Variants in GLIS3 observed in about 807,000 individuals in gnomAD.
The protein encoded by GLIS3 is zinc finger protein GLIS3.
In GLIS3, 53 loss-of-function variants were observed where a neutral mutation model predicts 78.6. The ratio of observed to expected loss-of-function variants is 0.67; its 90% confidence interval spans 0.54 to 0.85. GLIS3 has a LOEUF of 0.85. Among genes scored for constraint, GLIS3 ranks in the 40% least tolerant of loss-of-function variants. GLIS3 has a pLI of 0.00. For missense variants in GLIS3, 1,703 were observed against 1,231.1 expected (o/e 1.38, Z -5.74); for synonymous variants, 684 against 509.9 (o/e 1.34, Z -4.60).
At chr9:4,182,137 G>A (rs546541004) in intron 2 of GLIS3, among the ~76,000 whole-genome samples, 3 of 152,236 alleles carry the variant, frequency 2.0e-5, no homozygotes, top group African/African-American at 4.8e-5. Flanking sequence ...TATAAGGACC[G>A]TTTTTTCCTT....
At chr9:4,347,821 G>C (rs565823536) in intron 1 of GLIS3, among the ~76,000 whole-genome samples, 76 of 152,194 alleles carry the variant, frequency 5.0e-4, no homozygotes, top group African/African-American at 1.7e-3. Context: ...TGACAGGCTT[G>C]AACACAACTA....
intron 2 of GLIS3, among the ~76,000 whole-genome samples, chr9:4,139,698 G>A (rs1457753998): frequency 1.3e-5 from 2 of 152,168 alleles, no homozygotes; most frequent in East Asian, 1.9e-4. Flanking sequence ...GGTTCAGGAT[G>A]AAACTGTTCC....
At chr9:3,982,336 C>T (rs1228609408) in intron 4 of GLIS3, among the ~76,000 whole-genome samples, 1 of 152,092 alleles carries the variant, frequency 6.6e-6, no homozygotes, top group East Asian at 1.9e-4. Flanking sequence ...GCAATCTTGG[C>T]AGGAAGACAC....
chr9:4,373,253 G>A, the GLIS3 span, among the ~76,000 whole-genome samples: 1 of 151,394 alleles, frequency 6.6e-6, no homozygotes, highest in Non-Finnish European at 1.5e-5. Flanking sequence ...CATTAAGGCA[G>A]AGTATGAGCA....
chr9:4,049,906 T>C (rs1342350854), intron 4 of GLIS3, among the ~76,000 whole-genome samples: 1 of 152,060 alleles, frequency 6.6e-6, no homozygotes, highest in Non-Finnish European at 1.5e-5. Context: ...AGATACCATC[T>C]CACACCAGTT....
intron 2 of GLIS3, among the ~76,000 whole-genome samples, chr9:4,261,546 C>T (rs1270625089): frequency 1.3e-5 from 2 of 152,070 alleles, no homozygotes; most frequent in Non-Finnish European, 2.9e-5. Flanking sequence ...AAGGCTAAAA[C>T]TGAGAAGGCC....
intron 4 of GLIS3, among the ~76,000 whole-genome samples, chr9:4,037,064 T>A (rs957588577): frequency 6.6e-6 from 1 of 152,126 alleles, no homozygotes; most frequent in African/African-American, 2.4e-5. Context: ...TTGAAAAAAA[T>A]CACCCCACTC....
chr9:4,473,412 C>T, the GLIS3 span, among the ~76,000 whole-genome samples: 1 of 145,002 alleles, frequency 6.9e-6, no homozygotes, highest in South Asian at 2.2e-4. Context: ...TGCCATTGCA[C>T]TCCAGCCTGG....
At chr9:4,091,787 T>G (rs1406101916) in intron 4 of GLIS3, among the ~76,000 whole-genome samples, 1 of 152,154 alleles carries the variant, frequency 6.6e-6, no homozygotes, top group Non-Finnish European at 1.5e-5. Flanking sequence ...CTCTTCTTTA[T>G]AAATTACCCA....
intron 4 of GLIS3, among the ~76,000 whole-genome samples, chr9:4,008,760 T>C (rs1051618041): frequency 6.6e-6 from 1 of 152,202 alleles, no homozygotes; most frequent in African/African-American, 2.4e-5. Flanking sequence ...ATGCCACCAA[T>C]TGAACTCTAA....
chr9:4,309,973 G>T (rs1265174259), intron 3 of GLIS3, among the ~76,000 whole-genome samples: 2 of 152,182 alleles, frequency 1.3e-5, no homozygotes, highest in Non-Finnish European at 2.9e-5. Flanking sequence ...AATAAGACAT[G>T]GTCCCTGAAT....
At chr9:3,933,341 C>A (rs1825728408) in intron 5 of GLIS3, among the ~76,000 whole-genome samples, 1 of 152,052 alleles carries the variant, frequency 6.6e-6, no homozygotes, top group Non-Finnish European at 1.5e-5. Flanking sequence ...ACGCCCAGCA[C>A]TTTTTAATTT....
intron 4 of GLIS3, among the ~76,000 whole-genome samples, chr9:4,048,295 A>C (rs1360517360): frequency 6.6e-6 from 1 of 152,210 alleles, no homozygotes; most frequent in Non-Finnish European, 1.5e-5. Flanking sequence ...GGATCAAGAA[A>C]ACATGTTTAG....
intron 8 of GLIS3, among the ~76,000 whole-genome samples, chr9:3,862,289 T>A (rs1485185103): frequency 1.3e-5 from 2 of 152,152 alleles, no homozygotes; most frequent in African/African-American, 2.4e-5. Context: ...ATCTGAAATG[T>A]TCATCTTTAT....
intron 4 of GLIS3, among the ~76,000 whole-genome samples, chr9:4,087,349 C>T (rs1396986750): frequency 6.6e-6 from 1 of 152,076 alleles, no homozygotes; most frequent in African/African-American, 2.4e-5. Context: ...AGATGCACAT[C>T]CAAAGCTGTA....
intron 4 of GLIS3, among the ~76,000 whole-genome samples, chr9:4,034,221 CA>C (rs1029017849): frequency 6.6e-6 from 1 of 150,936 alleles, no homozygotes; most frequent in South Asian, 2.1e-4. Flanking sequence ...CACCTTGTCT[CA>C]AAAAAAAGTC....
intron 4 of GLIS3, among the ~76,000 whole-genome samples, chr9:4,005,855 G>A (rs577069026): frequency 6.6e-6 from 1 of 152,150 alleles, no homozygotes; most frequent in Admixed American, 6.5e-5. Flanking sequence ...ACATTTGTTA[G>A]GCAAATAATT....
intron 4 of GLIS3, among the ~76,000 whole-genome samples, chr9:4,095,268 T>C (rs759084645): frequency 1.9e-4 from 29 of 152,240 alleles, no homozygotes; most frequent in African/African-American, 6.7e-4. Context: ...GACATAAATG[T>C]TTTAACCGGG....
chr9:4,188,377 G>C (rs551794448), intron 2 of GLIS3, among the ~76,000 whole-genome samples: 9 of 149,080 alleles, frequency 6.0e-5, no homozygotes, highest in African/African-American at 9.9e-5. Flanking sequence ...GCTTTTTGAT[G>C]TGCTGCTGGA....
Sources: gnomAD v4.1 joint callset for allele counts (sites outside exome capture counted in the v4.1 genomes callset) on GRCh38, gnomAD v4.1.1 for gene constraint, MANE v1.5 for transcripts, NCBI Gene and HGNC (gene_info 2026-07-23, HGNC 2026-07-21) for gene names.